The following ADAMTSL1 variants were observed in gnomAD, a reference collection of about 807,000 sequenced individuals.
The protein encoded by ADAMTSL1 is ADAMTS like 1, also known as ADAMTS-like protein 1.
In ADAMTSL1, 126 loss-of-function variants were observed where a neutral mutation model predicts 201.8. The observed-to-expected ratio is 0.62, with a 90% CI of 0.54 to 0.72. ADAMTSL1 has a LOEUF of 0.72. Ranked by LOEUF, ADAMTSL1 falls within the 30% of genes least tolerant of loss-of-function variation. ADAMTSL1 has a pLI of 0.00. For synonymous variants in ADAMTSL1, 1,121 were observed against 903.4 expected (o/e 1.24, Z -4.32); for missense variants, 2,679 against 2,277.8 (o/e 1.18, Z -3.59).
intron 20 of ADAMTSL1, among the ~76,000 whole-genome samples, chr9:18,815,998 G>A (rs1192046999): frequency 1.3e-5 from 2 of 151,872 alleles, no homozygotes; most frequent in Non-Finnish European, 2.9e-5. Flanking sequence ...ATTTCTTTGT[G>A]GTCAGGACAT....
intron 1 of ADAMTSL1, among the ~76,000 whole-genome samples, chr9:17,954,801 G>A (rs1588472324): frequency 2.0e-5 from 3 of 152,258 alleles, no homozygotes; most frequent in Admixed American, 2.0e-4. Context: ...TCTGTTTAGA[G>A]TTTTCACATA....
intron 8 of ADAMTSL1, among the ~76,000 whole-genome samples, chr9:18,658,235 A>G (rs760415232): frequency 1.3e-5 from 2 of 152,090 alleles, no homozygotes; most frequent in South Asian, 2.1e-4. Context: ...CGGCCTCCCA[A>G]AGTGCTGGGA....
At chr9:18,335,728 G>T (rs1329779871) in intron 2 of ADAMTSL1, among the ~76,000 whole-genome samples, 1 of 152,114 alleles carries the variant, frequency 6.6e-6, no homozygotes, top group Non-Finnish European at 1.5e-5. Context: ...GTATAAGGTG[G>T]TGTAAAACAT....
chr9:18,310,918 A>G (rs1357767706), intron 2 of ADAMTSL1, among the ~76,000 whole-genome samples: 1 of 152,178 alleles, frequency 6.6e-6, no homozygotes, highest in East Asian at 1.9e-4. Context: ...TGTTTATTGC[A>G]GCACTATTCA....
intron 1 of ADAMTSL1, among the ~76,000 whole-genome samples, chr9:18,017,846 G>C (rs542927720): frequency 1.3e-5 from 2 of 152,136 alleles, no homozygotes; most frequent in South Asian, 4.1e-4. Flanking sequence ...GGAACAGGCT[G>C]TCTTTTCCTG....
intron 2 of ADAMTSL1, among the ~76,000 whole-genome samples, chr9:18,238,201 T>C (rs1024775372): frequency 5.3e-5 from 8 of 152,196 alleles, no homozygotes; most frequent in South Asian, 4.1e-4. Flanking sequence ...TTTAGGACTA[T>C]GTGGAAATTT....
At chr9:18,128,565 C>T (rs1825829534) in intron 1 of ADAMTSL1, among the ~76,000 whole-genome samples, 1 of 152,104 alleles carries the variant, frequency 6.6e-6, no homozygotes, top group Non-Finnish European at 1.5e-5. Flanking sequence ...CCCGCCTCAG[C>T]CTCCCAAAGC....
chr9:18,257,282 A>T (rs987786698), intron 2 of ADAMTSL1, among the ~76,000 whole-genome samples: 2 of 152,226 alleles, frequency 1.3e-5, no homozygotes, highest in African/African-American at 4.8e-5. Flanking sequence ...TTGCTACAGA[A>T]TGGAGGAGAT....
chr9:18,816,873 A>C (rs117900272), intron 20 of ADAMTSL1, among the ~76,000 whole-genome samples: 1 of 152,080 alleles, frequency 6.6e-6, no homozygotes, highest in African/African-American at 2.4e-5. Flanking sequence ...AGATCTGGGC[A>C]ATTAGCATAT....
intron 1 of ADAMTSL1, among the ~76,000 whole-genome samples, chr9:18,001,188 G>T (rs879398006): frequency 1.3e-5 from 2 of 151,132 alleles, no homozygotes; most frequent in African/African-American, 2.4e-5. Flanking sequence ...TTTACTAAAA[G>T]GAAAAAAAAA....
intron 1 of ADAMTSL1, among the ~76,000 whole-genome samples, chr9:18,137,748 A>G (rs182263171): frequency 2.0e-5 from 3 of 152,328 alleles, no homozygotes; most frequent in East Asian, 1.9e-4. Flanking sequence ...ATTTTGTTTC[A>G]CTATCTGTTT....
chr9:18,530,617 C>G (rs1819385424), intron 2 of ADAMTSL1, among the ~76,000 whole-genome samples: 1 of 152,120 alleles, frequency 6.6e-6, no homozygotes. Flanking sequence ...TGCTTAGTTT[C>G]TTCTCCATAT....
intron 26 of ADAMTSL1, among the ~76,000 whole-genome samples, chr9:18,894,729 TAAAAG>T (rs1209101523): frequency 5.3e-5 from 8 of 152,138 alleles, no homozygotes; most frequent in Admixed American, 2.0e-4. Flanking sequence ...GTCTGGGACT[TAAAAG>T]AGAGCTATGC....
intron 1 of ADAMTSL1, among the ~76,000 whole-genome samples, chr9:18,161,953 C>A (rs899894654): frequency 2.0e-5 from 3 of 151,940 alleles, no homozygotes; most frequent in Non-Finnish European, 2.9e-5. Context: ...CCTCATTGTG[C>A]CCTGCCTTTC....
intron 2 of ADAMTSL1, among the ~76,000 whole-genome samples, chr9:18,227,622 G>C (rs146085621): frequency 6.6e-6 from 1 of 152,254 alleles, no homozygotes; most frequent in Non-Finnish European, 1.5e-5. Context: ...CCTGTACATT[G>C]AAACATGTAT....
At chr9:18,567,279 A>G (rs1338374755) in intron 3 of ADAMTSL1, among the ~76,000 whole-genome samples, 1 of 152,122 alleles carries the variant, frequency 6.6e-6, no homozygotes, top group African/African-American at 2.4e-5. Flanking sequence ...AGTCTGGCCA[A>G]CATGGTAAAA....
In ADAMTSL1 at chr9:18,379,221, C is replaced by T. The variant is rs1837440464; in HGVS notation, c.208-125608C>T. Among the ~76,000 whole-genome samples the T allele has an allele frequency of 2.0e-5, 3 of 152,196 alleles. No homozygotes were observed. The South Asian group carries it at 6.2e-4, about 31-fold the overall frequency. On this transcript the variant is annotated intron_variant, in intron 2 of 29. Coordinates refer to the ADAMTSL1 transcript ENST00000680146. ...ACCAAACCAAATGGAGTCACTCATG[C>T]TAAACGCCACATCATCAAACAGAAA...
At chr9:18,880,053 A>T (rs1828432012) in intron 23 of ADAMTSL1, among the ~76,000 whole-genome samples, 1 of 152,132 alleles carries the variant, frequency 6.6e-6, no homozygotes, top group Non-Finnish European at 1.5e-5. Flanking sequence ...CATCCATTCA[A>T]GTTTTATTAT....
rs137999920 is a variant in ADAMTSL1, at chr9:18,307,455, C to T, written c.207+143474C>T. 9.6e-4 allele frequency among the ~76,000 whole-genome samples: 146 copies of T among 152,096 alleles called. 2 individuals carry two copies. In the East Asian group the frequency reaches 0.025, roughly 26 times the overall value. Reference sequence around the variant, plus strand: ...TGCCGTATTCAGGAAACCCATCTCACGTGCAAAGACACACATAGTCTTAAA... The same window carrying T: ...TGCCGTATTCAGGAAACCCATCTCATGTGCAAAGACACACATAGTCTTAAA... On this transcript the variant is annotated intron_variant, in intron 2 of 29. Transcript: ENST00000680146.
Sources: gnomAD v4.1 joint callset for allele counts (sites outside exome capture counted in the v4.1 genomes callset) on GRCh38, gnomAD v4.1.1 for gene constraint, MANE v1.5 for transcripts, NCBI Gene and HGNC (gene_info 2026-07-23, HGNC 2026-07-21) for gene names.